Variants in ARID5B observed in about 807,000 individuals in gnomAD.
ARID5B encodes the protein AT-rich interactive domain-containing protein 5B.
In ARID5B, 13 loss-of-function variants were observed where a neutral mutation model predicts 97.2. The ratio of observed to expected loss-of-function variants is 0.13; its 90% CI spans 0.09 to 0.21. The LOEUF (loss-of-function observed/expected upper bound fraction) is 0.21, where lower values mean the gene tolerates loss of function less well. Among genes scored for constraint, ARID5B ranks in the 10% least tolerant of loss-of-function variants. ARID5B has a pLI of 1.00. For synonymous variants in ARID5B, 556 were observed against 570.3 expected (o/e 0.97, Z 0.36); for missense variants, 1,210 against 1,465.3 (o/e 0.83, Z 2.84).
chr10:61,931,685 A>T (rs1419680498), intron 2 of ARID5B, among the ~76,000 whole-genome samples: 1 of 152,232 alleles, frequency 6.6e-6, no homozygotes, highest in Non-Finnish European at 1.5e-5. Context: ...TTAAACACAC[A>T]TTTCACCAAA....
At position 62,000,085 on chromosome 10, in the gene ARID5B, G is replaced by T; in HGVS notation, c.503-6G>T. ...GGGTAATGGAAGTGTTTTCTCGTTT[G>T]TCTAGGGGAGGACGAGGAAGAAACG... On this transcript the variant is annotated splice_polypyrimidine_tract_variant and splice_region_variant and intron_variant, in intron 3 of 9. Transcript: ENST00000279873. The surrounding 1 kb of genome is among the most constrained non-coding windows in gnomAD (Gnocchi z 4.4). The T allele has an allele frequency of 6.2e-7, 1 of 1,613,680 alleles. No homozygotes were observed. Among genetic ancestry groups the T allele is most frequent in the Non-Finnish European group, 8.5e-7 (1 of 1,179,650 alleles).
At chr10:62,034,514 TTAAG>T (rs1839537266) in intron 4 of ARID5B, among the ~76,000 whole-genome samples, 1 of 152,256 alleles carries the variant, frequency 6.6e-6, no homozygotes, top group African/African-American at 2.4e-5. Context: ...GCTTATATAA[TTAAG>T]TGATATATGT....
At chr10:62,019,395 A>G (rs1294426654) in intron 4 of ARID5B, among the ~76,000 whole-genome samples, 1 of 152,262 alleles carries the variant, frequency 6.6e-6, no homozygotes, top group Admixed American at 6.5e-5. Context: ...CAACCACCGT[A>G]CAATAGTGAA....
Position 62,092,561 on chromosome 10 carries a change from C to G in ARID5B, c.3098C>G (p.Pro1033Arg). ...IAGKKARAVS[P>R]LDPSKEVSGK... ...GGGAAAAAGGCCCGGGCAGTGTCTCCCTTAGACCCATCCAAGGAGGTCTCT... is the reference window on the plus strand; with the variant it reads ...GGGAAAAAGGCCCGGGCAGTGTCTCGCTTAGACCCATCCAAGGAGGTCTCT... Residue 1033 changes from proline (P) to arginine (R), a missense_variant, in exon 10 of 10, where the codon CCC becomes CGC. Transcript: ENST00000279873. 6.2e-7 allele frequency: 1 copy of G among 1,614,164 alleles called. No individual in the cohort carries two copies. The highest frequency in any genetic ancestry group is 1.6e-4 in the Middle Eastern group (1 of 6,062).
At chr10:61,905,487 A>C (rs1843693960) in intron 2 of ARID5B, among the ~76,000 whole-genome samples, 1 of 151,616 alleles carries the variant, frequency 6.6e-6, no homozygotes, top group African/African-American at 2.4e-5. Context: ...TTTTGTAATA[A>C]ATTGTGGGAG....
At chr10:62,083,765 A>G (rs1427967741) in intron 8 of ARID5B, among the ~76,000 whole-genome samples, 1 of 152,212 alleles carries the variant, frequency 6.6e-6, no homozygotes, top group Admixed American at 6.5e-5. Flanking sequence ...AAAATATTCA[A>G]TGCATTTTGC....
At chr10:62,004,910 T>C (rs544628113) in intron 4 of ARID5B, among the ~76,000 whole-genome samples, 1 of 152,330 alleles carries the variant, frequency 6.6e-6, no homozygotes, top group Admixed American at 6.5e-5. Context: ...TCAATATATA[T>C]AAATGAGATG....
At chr10:61,911,379 T>C (rs1843800951) in intron 2 of ARID5B, among the ~76,000 whole-genome samples, 2 of 152,214 alleles carry the variant, frequency 1.3e-5, no homozygotes, top group Admixed American at 1.3e-4. Context: ...AAAGCATACA[T>C]AGATTTTGAA....
intron 3 of ARID5B, among the ~76,000 whole-genome samples, chr10:61,947,459 C>T (rs1232705275): frequency 2.0e-5 from 3 of 151,652 alleles, no homozygotes; most frequent in African/African-American, 2.4e-5. Context: ...TCAGTAGAGA[C>T]GGGGTTTCAC....
chr10:62,022,592 C>T (rs1166234616), intron 4 of ARID5B, among the ~76,000 whole-genome samples: 2 of 152,184 alleles, frequency 1.3e-5, no homozygotes, highest in Non-Finnish European at 2.9e-5. Context: ...ATTCCACTCA[C>T]CCTTCTATGT....
chr10:62,000,859 A>AGATG lies in ARID5B; in HGVS notation c.733+541_733+542insGGAT. Among the ~76,000 whole-genome samples the AGATG allele has an allele frequency of 6.6e-6, 1 of 152,192 alleles. No individual in the cohort carries two copies. Among genetic ancestry groups the AGATG allele is most frequent in the South Asian group, 2.1e-4 (1 of 4,830 alleles). ...TAGATAGATAGATAGATAGATAGAT[A>AGATG]GATAGATAGATAGATGATAGGTGAT... On this transcript the variant is annotated intron_variant, in intron 4 of 9. Transcript: ENST00000279873. This position sits in a 1 kb window ranked among gnomAD's most constrained non-coding sequence, Gnocchi z 4.4.
chr10:61,911,658 T>C (rs995031270), intron 2 of ARID5B, among the ~76,000 whole-genome samples: 1 of 152,176 alleles, frequency 6.6e-6, no homozygotes, highest in African/African-American at 2.4e-5. Context: ...CGGCACCCAG[T>C]TTTAACCCTG....
At position 61,995,444 on chromosome 10, in the gene ARID5B, G is replaced by A. The variant is rs78378449; in HGVS notation, c.503-4647G>A. Among the ~76,000 whole-genome samples, 23 of 152,236 alleles carry A rather than the reference G, an allele frequency of 1.5e-4. No homozygotes were observed. In the East Asian group the frequency reaches 4.4e-3, roughly 29 times the overall value. ...GCTTTATTTGTTTCCTGGTGTACTA[G>A]GGCAAAATAAAATATGCCGACCATT... is the stretch of plus-strand genomic sequence containing the variant. On this transcript the variant is annotated intron_variant, in intron 3 of 9. Transcript: ENST00000279873.
intron 4 of ARID5B, among the ~76,000 whole-genome samples, chr10:62,019,827 A>G (rs1839332182): frequency 6.6e-6 from 1 of 152,210 alleles, no homozygotes; most frequent in Admixed American, 6.5e-5. Context: ...AAACTTTGGC[A>G]AAGGTTTAAT....
chr10:62,077,856 A>G (rs1840158961), intron 8 of ARID5B, among the ~76,000 whole-genome samples: 2 of 152,228 alleles, frequency 1.3e-5, no homozygotes, highest in African/African-American at 4.8e-5. Context: ...TATGTGAGTA[A>G]CAGATGCCTT....
At chr10:62,089,934 A>C (rs1252654449) in intron 9 of ARID5B, among the ~76,000 whole-genome samples, 1 of 152,204 alleles carries the variant, frequency 6.6e-6, no homozygotes, top group African/African-American at 2.4e-5. Flanking sequence ...GAATGACAGC[A>C]GTTTTGAAAG....
At chr10:61,949,584 T>A (rs1042980642) in intron 3 of ARID5B, among the ~76,000 whole-genome samples, 2 of 151,908 alleles carry the variant, frequency 1.3e-5, no homozygotes, top group Non-Finnish European at 2.9e-5. Flanking sequence ...TTGCAGTGAG[T>A]CAAGATTGTA....
chr10:62,082,646 G>A (rs1460994196), intron 8 of ARID5B, among the ~76,000 whole-genome samples: 3 of 152,192 alleles, frequency 2.0e-5, no homozygotes, highest in Admixed American at 2.0e-4. Context: ...ATAGGGCAAT[G>A]TTGACCTAAT....
In ARID5B at chr10:61,902,219, C is replaced by T; in HGVS notation, c.82C>T (p.His28Tyr). 1 of 1,613,898 alleles carries T rather than the reference C, an allele frequency of 6.2e-7. No homozygotes were observed. The highest frequency in any genetic ancestry group is 8.5e-7 in the Non-Finnish European group (1 of 1,180,024). The change falls in exon 2 of 10, where the codon CAC (histidine) becomes TAC (tyrosine). Residue 28 changes from histidine to tyrosine, a missense_variant. Physicochemically the swap from His to Tyr is moderately conservative, Grantham distance 83. Transcript: ENST00000279873. ...PYIFYKAFQFHLEGKPRILSL... is the reference protein window; with the variant it reads ...PYIFYKAFQFYLEGKPRILSL... ...CATTTTCTACAAGGCTTTTCAATTC[C>T]ACCTTGAAGGCAAACCAAGAATTTT...
Sources: allele counts gnomAD v4.1 joint callset (sites outside exome capture counted in the v4.1 genomes callset), GRCh38; gene constraint gnomAD v4.1.1; non-coding constraint Gnocchi (gnomAD v3.1); transcripts MANE v1.5; gene names NCBI Gene and HGNC (gene_info 2026-07-23, HGNC 2026-07-21).